Variants in THSD4 observed in about 807,000 individuals in gnomAD.
The protein encoded by THSD4 is thrombospondin type 1 domain containing 4.
THSD4 carries 69 observed loss-of-function variants against 119.0 expected under a neutral mutation model. That is an observed-to-expected ratio of 0.58 (90% CI 0.48 to 0.71). The LOEUF is 0.71. Ranked by LOEUF, THSD4 falls within the 30% of genes least tolerant of loss-of-function variation. The pLI is 0.00. For synonymous variants in THSD4, 524 were observed against 540.4 expected (o/e 0.97, Z 0.42); for missense variants, 1,393 against 1,391.1 (o/e 1.00, Z -0.02).
intron 7 of THSD4, among the ~76,000 whole-genome samples, chr15:71,651,324 G>A (rs2051084404): frequency 6.6e-6 from 1 of 152,166 alleles, no homozygotes. Context: ...TCTTAATGCA[G>A]TTGTCTGTGT....
At chr15:71,524,441 G>A (rs976755263) in intron 7 of THSD4, among the ~76,000 whole-genome samples, 4 of 152,152 alleles carry the variant, frequency 2.6e-5, no homozygotes, top group African/African-American at 9.7e-5. Context: ...CTGCTGCATT[G>A]GATGGCTGAC....
intron 7 of THSD4, among the ~76,000 whole-genome samples, chr15:71,559,900 T>C (rs56028454): frequency 0.02 from 3,043 of 152,266 alleles, 39 homozygotes; most frequent in Non-Finnish European, 0.028. Context: ...AGAAAATTTA[T>C]TGCCAAGAAA....
chr15:71,364,528 C>G (rs542706203), intron 6 of THSD4, among the ~76,000 whole-genome samples: 77 of 152,172 alleles, frequency 5.1e-4, no homozygotes, highest in Non-Finnish European at 8.8e-4. Flanking sequence ...CACAGAGTAA[C>G]TAAAGAAAAA....
chr15:71,444,800 G>T (rs2047156977), intron 7 of THSD4, among the ~76,000 whole-genome samples: 1 of 152,202 alleles, frequency 6.6e-6, no homozygotes, highest in African/African-American at 2.4e-5. Flanking sequence ...GACCATTGCA[G>T]TGGTCTACTA....
intron 8 of THSD4, among the ~76,000 whole-genome samples, chr15:71,701,572 C>T (rs1310165887): frequency 6.6e-6 from 1 of 152,038 alleles, no homozygotes; most frequent in Non-Finnish European, 1.5e-5. Context: ...TTAAATGTTA[C>T]ATTATTTCCA....
chr15:71,629,175 C>T (rs1167617808), intron 7 of THSD4, among the ~76,000 whole-genome samples: 2 of 152,168 alleles, frequency 1.3e-5, no homozygotes, highest in African/African-American at 4.8e-5. Flanking sequence ...GGCCAGAAAA[C>T]TCATGGGGGC....
intron 8 of THSD4, among the ~76,000 whole-genome samples, chr15:71,704,812 T>C (rs1338129448): frequency 6.6e-6 from 1 of 152,172 alleles, no homozygotes; most frequent in Non-Finnish European, 1.5e-5. Flanking sequence ...GCAAGTGTGT[T>C]GCAGCCTAAA....
chr15:71,481,717 T>G (rs2047732980), intron 7 of THSD4, among the ~76,000 whole-genome samples: 1 of 152,228 alleles, frequency 6.6e-6, no homozygotes, highest in Non-Finnish European at 1.5e-5. Context: ...TGTACGTATA[T>G]GCTCATAGTT....
At position 71,780,512 on chromosome 15, in the gene THSD4, A is replaced by G. The variant is rs763393023; in HGVS notation, c.*3138A>G. 3.3e-6 allele frequency: 1 copy of G among 306,846 alleles called. No individual in the cohort carries two copies. The highest frequency in any genetic ancestry group is 4.1e-4 in the Middle Eastern group (1 of 2,418). The allele number at this position is 306,846 out of a possible 1,614,324, so 19.0% of individuals were successfully genotyped here. On this transcript the variant is annotated 3_prime_UTR_variant, in exon 18 of 18. Coordinates refer to ENST00000261862, the MANE Select transcript of THSD4 (RefSeq NM_024817.3). ...AGAAAAGGGATGGCCTAAGAAATAC[A>G]ACTAAAAAAACAAACAAAAACACCA...
Position 71,589,603 on chromosome 15 carries a change from C to T in THSD4, c.1153-70927C>T, listed in dbSNP as rs200712402. ...GATCTCCTGGCCTCAAGCAATTCTC[C>T]GGCCTCAGCCTCCCAAAGTGCTGAT... On this transcript the variant is annotated intron_variant, in intron 7 of 17. Coordinates refer to ENST00000261862, the MANE Select transcript of THSD4 (RefSeq NM_024817.3). Among the ~76,000 whole-genome samples, 34 of 139,140 alleles carry T rather than the reference C, an allele frequency of 2.4e-4. 11 individuals carry two copies. Among genetic ancestry groups the T allele is most frequent in the East Asian group, 2.1e-3 (10 of 4,772 alleles). The allele number at this position is 139,140 out of a possible 152,430, so 91.3% of individuals were successfully genotyped here.
intron 7 of THSD4, among the ~76,000 whole-genome samples, chr15:71,414,980 A>G (rs1356868610): frequency 1.3e-5 from 2 of 152,226 alleles, no homozygotes; most frequent in Non-Finnish European, 2.9e-5. Flanking sequence ...TTTACTTTGC[A>G]GCTTTCAAAG....
intron 7 of THSD4, among the ~76,000 whole-genome samples, chr15:71,521,860 A>G (rs1232005340): frequency 6.6e-6 from 1 of 152,194 alleles, no homozygotes; most frequent in Non-Finnish European, 1.5e-5. Flanking sequence ...CAGATGCCAA[A>G]ATGAGTAAGC....
intron 7 of THSD4, among the ~76,000 whole-genome samples, chr15:71,569,393 A>G (rs1440537346): frequency 1.3e-5 from 2 of 152,226 alleles, no homozygotes. Flanking sequence ...TTGTTTCTTT[A>G]TTTGGCCCAG....
chr15:71,509,947 A>G (rs1275231808), intron 7 of THSD4, among the ~76,000 whole-genome samples: 3 of 152,218 alleles, frequency 2.0e-5, no homozygotes, highest in Admixed American at 6.5e-5. Context: ...GCTCTAGTGC[A>G]TAACTATTGT....
intron 7 of THSD4, among the ~76,000 whole-genome samples, chr15:71,453,092 C>T (rs931447540): frequency 3.9e-5 from 6 of 152,202 alleles, no homozygotes; most frequent in East Asian, 1.9e-4. Flanking sequence ...GAGAGCCTCA[C>T]GAGAGCCCAA....
intron 6 of THSD4, among the ~76,000 whole-genome samples, chr15:71,333,250 A>G (rs1301443132): frequency 6.6e-6 from 1 of 152,076 alleles, no homozygotes; most frequent in East Asian, 1.9e-4. Flanking sequence ...CTCTAGGCTG[A>G]AAGGGTCTTG....
intron 8 of THSD4, among the ~76,000 whole-genome samples, chr15:71,719,587 T>C (rs2052674384): frequency 6.6e-6 from 1 of 152,248 alleles, no homozygotes; most frequent in East Asian, 1.9e-4. Context: ...CTAGGCAGTC[T>C]ATGGGTACCT....
chr15:71,372,049 C>G (rs1222443325), intron 6 of THSD4, among the ~76,000 whole-genome samples: 1 of 152,170 alleles, frequency 6.6e-6, no homozygotes, highest in Non-Finnish European at 1.5e-5. Context: ...TCACTGATAA[C>G]CTTTCTTCCA....
intron 5 of THSD4, among the ~76,000 whole-genome samples, chr15:71,245,065 G>A (rs962556829): frequency 6.6e-6 from 1 of 152,168 alleles, no homozygotes; most frequent in Non-Finnish European, 1.5e-5. Context: ...TGGGGTAATG[G>A]CACCACTGAG....
Sources: gnomAD v4.1 joint callset for allele counts (sites outside exome capture counted in the v4.1 genomes callset) on GRCh38, gnomAD v4.1.1 for gene constraint, MANE v1.5 for transcripts, NCBI Gene and HGNC (gene_info 2026-07-23, HGNC 2026-07-21) for gene names.